The following NUP58 variants were observed in gnomAD, a reference collection of about 807,000 sequenced individuals.
NUP58 encodes the protein nucleoporin p58/p45.
NUP58 carries 17 observed loss-of-function variants against 70.1 expected under a neutral mutation model. The ratio of observed to expected loss-of-function variants is 0.24; its 90% CI spans 0.17 to 0.36. The LOEUF (loss-of-function observed/expected upper bound fraction) is 0.36, where lower values mean the gene tolerates loss of function less well. NUP58 is among the 10% of genes least tolerant of loss of function. The pLI is 1.00. For missense variants in NUP58, 644 were observed against 701.5 expected (o/e 0.92, Z 0.93); for synonymous variants, 275 against 257.6 (o/e 1.07, Z -0.65).
At chr13:25,339,068 T>G (rs187687422) in intron 15 of NUP58, among the ~76,000 whole-genome samples, 8 of 152,210 alleles carry the variant, frequency 5.3e-5, no homozygotes, top group African/African-American at 1.9e-4. Context: ...TGTGAAAGTT[T>G]AAGTTTTTTG....
chr13:25,348,762 T>C (rs1172201642), intron 3 of NUP58, among the ~76,000 whole-genome samples: 1 of 152,252 alleles, frequency 6.6e-6, no homozygotes, highest in African/African-American at 2.4e-5. Context: ...TTTTCCTACT[T>C]GGTATCCCTG....
intron 7 of NUP58, among the ~76,000 whole-genome samples, chr13:25,320,062 A>G (rs1389542602): frequency 6.6e-6 from 1 of 152,118 alleles, no homozygotes; most frequent in South Asian, 2.1e-4. Flanking sequence ...ATTCTAATGC[A>G]TGTTGAAGAA....
rs142016205 is a variant in NUP58, at chr13:25,316,560, C to G, written c.685+1093C>G. Among the ~76,000 whole-genome samples the G allele has an allele frequency of 2.1e-3, 322 of 152,116 alleles. 3 individuals are homozygous for G. The highest frequency in any genetic ancestry group is 7.4e-3 in the African/African-American group (307 of 41,516). ...TTAAACTTTTACAAAGTTTAGATTT[C>G]TCTTTCAGTGAAAATTGACAAATTT... On this transcript the variant is annotated intron_variant, in intron 6 of 15. Transcript: ENST00000381736.
intron 12 of NUP58, among the ~76,000 whole-genome samples, chr13:25,330,123 C>G (rs2031552294): frequency 6.6e-6 from 1 of 152,084 alleles, no homozygotes; most frequent in Non-Finnish European, 1.5e-5. Flanking sequence ...CCACCGCGGC[C>G]AGGCTGTTTC....
intron 1 of NUP58, among the ~76,000 whole-genome samples, chr13:25,304,521 T>TATATGTG (rs1491553153): frequency 1.9e-5 from 1 of 53,396 alleles, no homozygotes; most frequent in African/African-American, 6.1e-5. Context: ...TATATATGTA[T>TATATGTG]TTTTTTTTTT....
rs769818420 is a variant in NUP58 at position 25,313,005 on chromosome 13, T to C, written c.409T>C (p.Ser137Pro). Residue 137 changes from serine (S) to proline (P), a missense_variant, in exon 4 of 16, where the codon TCG becomes CCG. Transcript: ENST00000381736. ...TACCTCAGCTAGCGGTCTGACTCTT[T>C]CGTCTGCTCTGACATCAACTCCAGC... ...TSTSASGLTL[S>P]SALTSTPAAS... 1.9e-6 allele frequency: 3 copies of C among 1,614,078 alleles called. No homozygotes were observed. The highest frequency in any genetic ancestry group is 2.2e-5 in the East Asian group (1 of 44,882).
chr13:25,320,728 T>C (rs974474272), intron 8 of NUP58, 133 bp downstream of exon 8: 5 of 776,062 alleles, frequency 6.4e-6, no homozygotes, highest in Admixed American at 3.2e-5. Context: ...TTAGTGCTTT[T>C]AGAAATCAGA....
intron 13 of NUP58, chr13:25,336,229 T>G (rs1479546454): frequency 2.2e-6 from 3 of 1,367,276 alleles, no homozygotes; most frequent in South Asian, 2.3e-5. Context: ...AGTGGTGTAA[T>G]GTAGCAGAGC....
At chr13:25,349,706 C>T (rs973796439) in exon 4 of NUP58, 2 of 152,394 alleles carry the variant, frequency 1.3e-5, no homozygotes, top group African/African-American at 2.4e-5. Flanking sequence ...TTTGTAAATC[C>T]CATTATTCAA....
Position 25,315,487 on chromosome 13 carries a change from C to CT in NUP58, c.685+23dup, listed in dbSNP as rs750111972. 4.5e-6 allele frequency: 7 copies of CT among 1,540,702 alleles called. No homozygotes were observed. The highest frequency in any genetic ancestry group is 6.3e-6 in the Non-Finnish European group (7 of 1,116,050). On this transcript the variant is annotated intron_variant, in intron 6 of 15. Transcript: ENST00000381736. ...AAAAGAGTAAGTAATGCTGTTGTAACTTTATGTTTTAACAGTTCTGTTGAG... is the reference window on the plus strand; with the variant it reads ...AAAAGAGTAAGTAATGCTGTTGTAACTTTTATGTTTTAACAGTTCTGTTGAG...
intron 1 of NUP58, among the ~76,000 whole-genome samples, chr13:25,305,147 T>TTTTTTTGTTTTTTTTTTTTTTTTG (rs1566055086): frequency 7.9e-6 from 1 of 125,840 alleles, no homozygotes; most frequent in Admixed American, 8.4e-5. Flanking sequence ...TTTTTTTTTT[T>TTTTTTTGTTTTTTTTTTTTTTTTG]TTTTTTTTTT....
chr13:25,331,522 G>A lies in NUP58; in HGVS notation c.1399G>A (p.Ala467Thr). 1 of 1,614,098 alleles carries A rather than the reference G, an allele frequency of 6.2e-7. No individual in the cohort carries two copies. The highest frequency in any genetic ancestry group is 1.3e-5 in the African/African-American group (1 of 75,032). The change falls in exon 13 of 16, where the codon GCT becomes ACT. Residue 467 changes from alanine (A) to threonine (T), a missense_variant. Physicochemically the swap from Ala to Thr is moderately conservative, Grantham distance 58 (BLOSUM62 0). Transcript: ENST00000381736. ...TMPNAAAVAMAATLTQQQQPA... is the reference protein window; with the variant it reads ...TMPNAAAVAMTATLTQQQQPA... Reference sequence around the variant, plus strand: ...GCCAAACGCAGCAGCCGTTGCCATGGCTGCAACACTTACACAGCAGCAACA... The same window carrying A: ...GCCAAACGCAGCAGCCGTTGCCATGACTGCAACACTTACACAGCAGCAACA...
At chr13:25,304,485 T>TAA (rs1430691813) in intron 1 of NUP58, among the ~76,000 whole-genome samples, 40 of 45,434 alleles carry the variant, frequency 8.8e-4, no homozygotes, top group African/African-American at 2.8e-3. Flanking sequence ...AGATTATATA[T>TAA]ATATATATAT....
chr13:25,325,345 A>G (rs1470158341), intron 10 of NUP58, among the ~76,000 whole-genome samples: 1 of 152,182 alleles, frequency 6.6e-6, no homozygotes, highest in Non-Finnish European at 1.5e-5. Flanking sequence ...ACTCCATTTT[A>G]TTAAATTTTA....
chr13:25,314,425 G>T (rs977482368), intron 5 of NUP58, among the ~76,000 whole-genome samples: 2 of 152,020 alleles, frequency 1.3e-5, no homozygotes, highest in East Asian at 3.9e-4. Context: ...GCTGGACACG[G>T]TGGCTCACAC....
downstream of NUP58, among the ~76,000 whole-genome samples, chr13:25,344,127 A>G (rs986277567): frequency 3.9e-5 from 6 of 152,088 alleles, no homozygotes; most frequent in African/African-American, 1.4e-4. Context: ...TGTATCAGCT[A>G]TTTGTATGTT....
At chr13:25,343,805 GTATATA>G (rs59054918), downstream of NUP58, among the ~76,000 whole-genome samples, 921 of 137,634 alleles carry the variant, frequency 6.7e-3, 9 homozygotes, top group African/African-American at 0.023. Context: ...ACATATATAT[GTATATA>G]TATATATATA....
chr13:25,318,661 TTTC>T (rs1429576712), intron 6 of NUP58, among the ~76,000 whole-genome samples: 5 of 152,204 alleles, frequency 3.3e-5, no homozygotes, highest in African/African-American at 1.2e-4. Context: ...AGAAAATGGT[TTTC>T]TTCACCAAAT....
intron 9 of NUP58, among the ~76,000 whole-genome samples, chr13:25,321,624 T>TA (rs2031189785): frequency 6.6e-6 from 1 of 152,166 alleles, no homozygotes; most frequent in South Asian, 2.1e-4. Flanking sequence ...AATCTTAGTT[T>TA]AAAAATAGTA....
Sources: gnomAD v4.1 joint callset for allele counts (sites outside exome capture counted in the v4.1 genomes callset) on GRCh38, gnomAD v4.1.1 for gene constraint, MANE v1.5 for transcripts, NCBI Gene and HGNC (gene_info 2026-07-23, HGNC 2026-07-21) for gene names.